Variants in COL6A3 observed in about 807,000 individuals in gnomAD.
COL6A3 encodes collagen type VI alpha 3 chain.
In COL6A3, 137 loss-of-function variants were observed where a neutral mutation model predicts 274.1. The observed-to-expected ratio is 0.50, with a 90% CI of 0.44 to 0.58. The LOEUF (loss-of-function observed/expected upper bound fraction) is 0.58, where lower values mean the gene tolerates loss of function less well. COL6A3 is among the 20% of genes least tolerant of loss of function. The pLI, the probability that COL6A3 is intolerant of heterozygous loss-of-function variation, is 0.00. For synonymous variants in COL6A3, 1,650 were observed against 1,650.6 expected (o/e 1.00, Z 0.01); for missense variants, 3,950 against 4,124.9 (o/e 0.96, Z 1.16).
intron 28 of COL6A3, among the ~76,000 whole-genome samples, chr2:237,349,313 C>G (rs1407008409): frequency 3.9e-5 from 6 of 152,162 alleles, no homozygotes; most frequent in Admixed American, 3.9e-4. Context: ...AGTTAATTTA[C>G]AGTTTTCAAC....
chr2:237,390,139 A>T (rs2106381603), intron 3 of COL6A3, among the ~76,000 whole-genome samples: 1 of 152,368 alleles, frequency 6.6e-6, no homozygotes, highest in African/African-American at 2.4e-5. Context: ...TAAAAGAAGG[A>T]TTAAATATGA....
intron 21 of COL6A3, among the ~76,000 whole-genome samples, chr2:237,358,192 G>A (rs1402347807): frequency 6.6e-6 from 1 of 152,206 alleles, no homozygotes; most frequent in African/African-American, 2.4e-5. Context: ...AGCTTGTACT[G>A]CTCATTTGCT....
chr2:237,344,380 C>G lies in COL6A3; in HGVS notation c.7638G>C (p.Gln2546His). ...AGITPLFLTR[Q>H]EDRQLINALQ... ...AAGCGTTGATGAGCTGCCGGTCTTC[C>G]TGCCTTGTAAGGAACAAGGGGGTGA... is the stretch of plus-strand genomic sequence containing the variant. Residue 2546 changes from glutamine to histidine, a missense_variant, in exon 36 of 44, where the codon CAG becomes CAC. This residue lies in a region of COL6A3 where 1,284 missense variants were observed against 1,349.7 expected (regional missense o/e 0.95). Coordinates refer to ENST00000295550, the MANE Select transcript of COL6A3 (RefSeq NM_004369.4). The surrounding 1 kb of genome is among the most constrained non-coding windows in gnomAD (Gnocchi z 4.8). 4.3e-6 allele frequency: 7 copies of G among 1,614,202 alleles called. No homozygotes were observed. Among genetic ancestry groups the G allele is most frequent in the Non-Finnish European group, 5.9e-6 (7 of 1,180,022 alleles).
intron 43 of COL6A3, 61 bp from the exon 44 acceptor site, chr2:237,324,875 G>A: frequency 6.4e-7 from 1 of 1,566,774 alleles, no homozygotes; most frequent in Non-Finnish European, 8.8e-7. Context: ...GAGAGGAAAA[G>A]CCACATTACT....
chr2:237,399,561 G>A (rs929818020), intron 1 of COL6A3, among the ~76,000 whole-genome samples: 1 of 152,166 alleles, frequency 6.6e-6, no homozygotes, highest in African/African-American at 2.4e-5. Flanking sequence ...CATGAGCAAC[G>A]CAGTTTGGAA....
chr2:237,365,331 G>T (rs1194095817), intron 12 of COL6A3, among the ~76,000 whole-genome samples: 1 of 151,892 alleles, frequency 6.6e-6, no homozygotes, highest in African/African-American at 2.4e-5. Flanking sequence ...AACTCACATG[G>T]TGTGTGTGTC....
rs193262655 is a variant in COL6A3, at chr2:237,336,292, C to T, written c.8808G>A (p.Val2936=). The change falls in exon 40 of 44, where the codon GTG becomes GTA. Residue 2936 remains valine, a synonymous_variant. Coordinates refer to ENST00000295550, the MANE Select transcript of COL6A3 (RefSeq NM_004369.4). ...CAGGCTTCGCTGCCGTTGCTGGCTT[C>T]ACCGCCACTGGGGGTCTAACAGTGG... is the stretch of plus-strand genomic sequence containing the variant. ...KMATVRPPVA[V]KPATAAKPVA... 2.5e-6 allele frequency: 4 copies of T among 1,613,084 alleles called. 1 individual carries two copies. The highest frequency in any genetic ancestry group is 4.5e-5 in the East Asian group (2 of 44,868).
chr2:237,397,457 AAG>A (rs879795388), intron 1 of COL6A3, among the ~76,000 whole-genome samples: 29 of 141,050 alleles, frequency 2.1e-4, no homozygotes, highest in Non-Finnish European at 2.6e-4. Context: ...GAGAGAAAGA[AAG>A]AGAGAGAGGG....
At chr2:237,354,734 T>A (rs754032313) in intron 24 of COL6A3, among the ~76,000 whole-genome samples, 165 bp downstream of exon 24, 123 of 152,208 alleles carry the variant, frequency 8.1e-4, no homozygotes, top group Non-Finnish European at 1.2e-3. Flanking sequence ...CTTCTGAGGC[T>A]GTGTCACGGG....
rs1215944901 is a variant in COL6A3, at chr2:237,361,438, G to A, written c.6157-264C>T. Among the ~76,000 whole-genome samples the A allele has an allele frequency of 6.6e-6, 1 of 152,218 alleles. No homozygotes were observed. The highest frequency in any genetic ancestry group is 1.5e-5 in the Non-Finnish European group (1 of 68,048). Reference sequence around the variant, plus strand: ...TCCAGCTGCCATTCGCAGCCAGGCTGCTGTCAGGGACGCCAGCTGCCTTTA... The same window carrying A: ...TCCAGCTGCCATTCGCAGCCAGGCTACTGTCAGGGACGCCAGCTGCCTTTA... On this transcript the variant is annotated intron_variant, in intron 15 of 43. Transcript: ENST00000295550. This position sits in a 1 kb window ranked among gnomAD's most constrained non-coding sequence, Gnocchi z 5.1.
intron 22 of COL6A3, 92 bp from the exon 23 acceptor site, chr2:237,357,483 C>T (rs1014587751): frequency 6.6e-6 from 8 of 1,208,162 alleles, no homozygotes; most frequent in Middle Eastern, 2.2e-4. Context: ...GGAAAGGGGT[C>T]GATTCACAGA....
intron 1 of COL6A3, among the ~76,000 whole-genome samples, chr2:237,397,814 T>C (rs2078489040): frequency 6.6e-6 from 1 of 152,228 alleles, no homozygotes; most frequent in South Asian, 2.1e-4. Context: ...ATTAAACATA[T>C]AAATGAGAAT....
chr2:237,403,994 T>C (rs1470440406), intron 1 of COL6A3, among the ~76,000 whole-genome samples: 2 of 152,010 alleles, frequency 1.3e-5, no homozygotes, highest in Admixed American at 6.5e-5. Flanking sequence ...TTGCAATATC[T>C]AATTTTTTGT....
At chr2:237,398,558 T>G (rs2078509857) in intron 1 of COL6A3, among the ~76,000 whole-genome samples, 1 of 152,172 alleles carries the variant, frequency 6.6e-6, no homozygotes, top group African/African-American at 2.4e-5. Context: ...TTTTCTCCTC[T>G]CCTTAATGCA....
Position 237,344,767 on chromosome 2 carries a change from A to G in COL6A3, c.7251T>C (p.Thr2417=), listed in dbSNP as rs1209383850. Residue 2417 remains threonine, a synonymous_variant, in exon 36 of 44, where the codon ACT becomes ACC. Coordinates refer to ENST00000295550, the MANE Select transcript of COL6A3 (RefSeq NM_004369.4). This position sits in a 1 kb window ranked among gnomAD's most constrained non-coding sequence, Gnocchi z 4.8. ...AGACCACATCTCGCATCCGGCCGAA[A>G]GTGTCTTGGTTGACTCCCTCAGAGG... ...LDTSEGVNQD[T]FGRMRDVVLS... The G allele has an allele frequency of 6.2e-7, 1 of 1,602,852 alleles. No homozygotes were observed. The highest frequency in any genetic ancestry group is 1.1e-5 in the South Asian group (1 of 90,072).
intron 4 of COL6A3, among the ~76,000 whole-genome samples, chr2:237,387,166 A>T (rs1489855716): frequency 6.6e-6 from 1 of 152,188 alleles, no homozygotes; most frequent in African/African-American, 2.4e-5. Flanking sequence ...TACTCTGTCT[A>T]TGAGCACACT....
At chr2:237,327,120 A>C (rs1699986712) in intron 42 of COL6A3, 1 of 152,254 alleles carries the variant, frequency 6.6e-6, no homozygotes, top group African/African-American at 2.4e-5. Context: ...AACTGAAGGA[A>C]AATGCCTGGC....
chr2:237,369,295 G>A, intron 9 of COL6A3, 118 bp from the exon 10 acceptor site: 1 of 1,370,352 alleles, frequency 7.3e-7, no homozygotes, highest in Non-Finnish European at 1.0e-6. Flanking sequence ...CAAGATGCCT[G>A]TGTTGTTTGT....
chr2:237,372,185 C>G lies in COL6A3; in HGVS notation c.3832G>C (p.Asp1278His). The G allele has an allele frequency of 6.2e-7, 1 of 1,614,128 alleles. No individual in the cohort carries two copies. The highest frequency in any genetic ancestry group is 8.5e-7 in the Non-Finnish European group (1 of 1,180,036). ...AGCAGGAACTCCACCTTGGGGTCAT[C>G]GCTGAACTGGATGACAGCCACCCGG... ...TTRVAVIQFS[D>H]DPKVEFLLNA... The change falls in exon 9 of 44, where the codon GAT becomes CAT. Residue 1278 changes from aspartate to histidine, a missense_variant. This residue lies in a region of COL6A3 where 1,934 missense variants were observed against 1,984.3 expected (regional missense o/e 0.97). Transcript: ENST00000295550.
Sources: allele counts gnomAD v4.1 joint callset (sites outside exome capture counted in the v4.1 genomes callset), GRCh38; gene constraint gnomAD v4.1.1; regional missense constraint gnomAD v4.1.1; non-coding constraint Gnocchi (gnomAD v3.1); transcripts MANE v1.5; gene names NCBI Gene and HGNC (gene_info 2026-07-23, HGNC 2026-07-21).